ANXA8: variants seen among roughly 807,000 people sequenced by gnomAD.
ANXA8 encodes the protein annexin A8, also known as VAC-beta.
Under a neutral mutation model 26.8 loss-of-function variants are expected in ANXA8, and 9 were observed. The ratio of observed to expected loss-of-function variants is 0.34; its 90% CI spans 0.20 to 0.59. ANXA8 has a LOEUF of 0.59. ANXA8 is among the 20% of genes least tolerant of loss of function. The probability of loss-of-function intolerance (pLI) is 0.84; values close to 1 mark genes in which losing one functional copy is unlikely to be tolerated. For missense variants in ANXA8, 83 were observed against 238.5 expected (o/e 0.35, Z 4.29); for synonymous variants, 39 against 94.8 (o/e 0.41, Z 3.42).
the ANXA8 span, among the ~76,000 whole-genome samples, chr10:47,556,106 G>A: frequency 2.0e-5 from 3 of 151,908 alleles, no homozygotes; most frequent in African/African-American, 7.3e-5. Context: ...GGGACAGACA[G>A]GGGTTATTAA....
At chr10:47,934,595 GAAAC>G in the ANXA8 span, 2 of 138,128 alleles carry the variant, frequency 1.4e-5, no homozygotes, top group Non-Finnish European at 3.2e-5. Context: ...TCTCTTTGGA[GAAAC>G]AAACAACAAA....
the ANXA8 span, among the ~76,000 whole-genome samples, chr10:47,587,495 G>A: frequency 6.8e-6 from 1 of 146,290 alleles, no homozygotes; most frequent in East Asian, 1.9e-4. Context: ...TTTCCACATA[G>A]ACTTGATTTA....
At chr10:47,647,795 GTATGAATAC>G in the ANXA8 span, among the ~76,000 whole-genome samples, 1 of 151,842 alleles carries the variant, frequency 6.6e-6, no homozygotes, top group Non-Finnish European at 1.5e-5. Context: ...TTCACATAAA[GTATGAATAC>G]TACACTATGA....
At chr10:47,628,224 A>G in the ANXA8 span, among the ~76,000 whole-genome samples, 1 of 152,016 alleles carries the variant, frequency 6.6e-6, no homozygotes, top group African/African-American at 2.4e-5. Context: ...TGTTTCACTT[A>G]AAATTTATTT....
the ANXA8 span, among the ~76,000 whole-genome samples, chr10:47,672,010 T>C: frequency 1.3e-5 from 2 of 151,878 alleles, no homozygotes; most frequent in African/African-American, 4.8e-5. Context: ...GTATCACTTC[T>C]GCAATATCTA....
At chr10:47,941,146 C>T in the ANXA8 span, among the ~76,000 whole-genome samples, 2 of 145,994 alleles carry the variant, frequency 1.4e-5, no homozygotes, top group South Asian at 4.3e-4. Context: ...GCTTATATTC[C>T]TGTGCAAATA....
chr10:47,685,430 G>C, the ANXA8 span, among the ~76,000 whole-genome samples: 2 of 150,520 alleles, frequency 1.3e-5, no homozygotes, highest in African/African-American at 4.9e-5. Context: ...GATATTTCTT[G>C]CCCTGGGAGA....
chr10:47,660,886 C>T, the ANXA8 span, among the ~76,000 whole-genome samples: 11 of 151,016 alleles, frequency 7.3e-5, no homozygotes, highest in Non-Finnish European at 1.3e-4. Flanking sequence ...TACAGCAGAC[C>T]AAGGTATATT....
chr10:47,654,214 C>T, the ANXA8 span, among the ~76,000 whole-genome samples: 3 of 148,580 alleles, frequency 2.0e-5, no homozygotes, highest in Admixed American at 2.0e-4. Context: ...TGGGTTAAAA[C>T]GTGAATTGGA....
At chr10:47,975,326 G>A in the ANXA8 span, among the ~76,000 whole-genome samples, 2 of 148,878 alleles carry the variant, frequency 1.3e-5, no homozygotes, top group Non-Finnish European at 3.0e-5. Context: ...GGGGTGAGGT[G>A]GCCCATGTGT....
At chr10:47,528,087 T>G in the ANXA8 span, among the ~76,000 whole-genome samples, 3 of 140,020 alleles carry the variant, frequency 2.1e-5, 1 homozygote, top group South Asian at 2.3e-4. Context: ...AGAATGTTTT[T>G]TTTTTTTTTT....
chr10:47,668,482 G>C, the ANXA8 span, among the ~76,000 whole-genome samples: 1 of 150,384 alleles, frequency 6.6e-6, no homozygotes, highest in African/African-American at 2.5e-5. Flanking sequence ...GCCCAGACTG[G>C]TCTCGAACTC....
the ANXA8 span, among the ~76,000 whole-genome samples, chr10:47,722,880 G>A: frequency 0.076 from 10,684 of 139,896 alleles, 447 homozygotes; most frequent in Middle Eastern, 0.11. Flanking sequence ...GAGAGGAAGC[G>A]GTAGGAATAA....
chr10:47,751,317 T>A, the ANXA8 span: 1 of 109,086 alleles, frequency 9.2e-6, no homozygotes, highest in Admixed American at 1.1e-4. Flanking sequence ...ATAGACAAGA[T>A]TATGTCATGT....
chr10:47,588,691 G>C, the ANXA8 span: 2 of 146,478 alleles, frequency 1.4e-5, no homozygotes, highest in Non-Finnish European at 2.9e-5. Context: ...TTTGCTTATA[G>C]TAATTTCACA....
At chr10:47,738,657 A>G in the ANXA8 span, among the ~76,000 whole-genome samples, 1 of 151,706 alleles carries the variant, frequency 6.6e-6, no homozygotes, top group Non-Finnish European at 1.5e-5. Flanking sequence ...GCTCACTGCA[A>G]CCTCTGCCTC....
chr10:47,743,345 T>G, the ANXA8 span, among the ~76,000 whole-genome samples: 1 of 96,546 alleles, frequency 1.0e-5, no homozygotes, highest in Non-Finnish European at 2.1e-5. Flanking sequence ...TATATACATA[T>G]ATATATATAC....
chr10:47,973,845 C>A, the ANXA8 span, among the ~76,000 whole-genome samples: 36 of 151,244 alleles, frequency 2.4e-4, no homozygotes, highest in African/African-American at 8.7e-4. Flanking sequence ...AGGATTGGTA[C>A]CAGTTCTTTG....
the ANXA8 span, among the ~76,000 whole-genome samples, chr10:47,947,557 T>C: frequency 6.6e-6 from 1 of 150,586 alleles, no homozygotes; most frequent in Non-Finnish European, 1.5e-5. Flanking sequence ...GGGGAGATGA[T>C]TAGATCATGG....
Sources: gnomAD v4.1 joint callset for allele counts (sites outside exome capture counted in the v4.1 genomes callset) on GRCh38, gnomAD v4.1.1 for gene constraint, MANE v1.5 for transcripts, NCBI Gene and HGNC (gene_info 2026-07-23, HGNC 2026-07-21) for gene names.